PCED1B: variants seen among roughly 807,000 people sequenced by gnomAD.
The protein encoded by PCED1B is PC-esterase domain-containing protein 1B.
For missense variants in PCED1B, 573 were observed against 573.9 expected, an observed-to-expected ratio of 1.00 and a Z score of 0.02; for synonymous variants, 251 against 246.1, an observed-to-expected ratio of 1.02 and a Z score of -0.19.
At chr12:47,221,445 T>A (rs994782052) in intron 3 of PCED1B, among the ~76,000 whole-genome samples, 7 of 151,502 alleles carry the variant, frequency 4.6e-5, no homozygotes, top group African/African-American at 1.7e-4. Flanking sequence ...CCCAGAGTGC[T>A]GGGATTACAG....
Position 47,235,507 on chromosome 12 carries a change from G to A in PCED1B, c.444G>A (p.Gln148=). 1 of 1,612,980 alleles carries A rather than the reference G, an allele frequency of 6.2e-7. No individual in the cohort carries two copies. The change falls in exon 4 of 4, where the codon CAG becomes CAA. Residue 148 remains glutamine, a synonymous_variant. Coordinates refer to ENST00000546455, the MANE Select transcript of PCED1B (RefSeq NM_138371.3). The part of the protein sequence containing the change: ...SYLENLENLF[Q]CLGQVLPESC... ...TGGAGAACCTGGAGAACCTGTTCCAGTGCCTGGGCCAGGTGCTGCCCGAGT... is the reference window on the plus strand; with the variant it reads ...TGGAGAACCTGGAGAACCTGTTCCAATGCCTGGGCCAGGTGCTGCCCGAGT...
intron 2 of PCED1B, among the ~76,000 whole-genome samples, chr12:47,215,473 C>T (rs1565606294): frequency 6.6e-6 from 1 of 151,858 alleles, no homozygotes; most frequent in Admixed American, 6.6e-5. Flanking sequence ...AGGCTGGTCT[C>T]GAACTCCTGA....
At chr12:47,091,781 A>T in intron 1 of PCED1B, among the ~76,000 whole-genome samples, 1 of 152,108 alleles carries the variant, frequency 6.6e-6, no homozygotes, top group Non-Finnish European at 1.5e-5. Context: ...ACACAGCACA[A>T]TTTATCTGAA....
intron 2 of PCED1B, among the ~76,000 whole-genome samples, chr12:47,158,842 C>T (rs1184538650): frequency 6.6e-6 from 1 of 152,168 alleles, no homozygotes; most frequent in African/African-American, 2.4e-5. Context: ...TAACCCTACT[C>T]TGCTATTGAA....
At chr12:47,095,204 T>C (rs968333640) in intron 1 of PCED1B, among the ~76,000 whole-genome samples, 1 of 152,084 alleles carries the variant, frequency 6.6e-6, no homozygotes, top group African/African-American at 2.4e-5. Flanking sequence ...ATTTGAAGGA[T>C]ATGATTGCAA....
chr12:47,103,228 G>A (rs1262334761), intron 1 of PCED1B, among the ~76,000 whole-genome samples: 8 of 152,300 alleles, frequency 5.3e-5, no homozygotes. Context: ...TTGAGCAGAT[G>A]CATATTTATA....
At chr12:47,109,729 G>A (rs893052748) in intron 2 of PCED1B, among the ~76,000 whole-genome samples, 2 of 152,016 alleles carry the variant, frequency 1.3e-5, no homozygotes, top group Non-Finnish European at 2.9e-5. Context: ...GAGAGAAGGG[G>A]GTGCAATAGA....
intron 2 of PCED1B, among the ~76,000 whole-genome samples, chr12:47,177,124 T>G (rs1263461946): frequency 2.6e-5 from 4 of 152,122 alleles, no homozygotes; most frequent in Non-Finnish European, 5.9e-5. Context: ...GCTTAGGCTG[T>G]GTTCATCCTG....
chr12:47,150,773 G>A (rs1173828233), intron 2 of PCED1B, among the ~76,000 whole-genome samples: 1 of 151,942 alleles, frequency 6.6e-6, no homozygotes, highest in African/African-American at 2.4e-5. Flanking sequence ...AGGCCAGTGT[G>A]AACTGACTGG....
chr12:47,160,293 CTTTTTTTTTT>C (rs59856338), intron 2 of PCED1B, among the ~76,000 whole-genome samples: 1 of 69,228 alleles, frequency 1.4e-5, no homozygotes, highest in Non-Finnish European at 2.5e-5. Flanking sequence ...TTTTCTTTTT[CTTTTTTTTTT>C]TTTTTTTTTT....
At chr12:47,133,668 C>T (rs1266979220) in intron 2 of PCED1B, among the ~76,000 whole-genome samples, 1 of 152,130 alleles carries the variant, frequency 6.6e-6, no homozygotes, top group Admixed American at 6.5e-5. Flanking sequence ...AAATTATACC[C>T]AGATATATTA....
intron 1 of PCED1B, among the ~76,000 whole-genome samples, chr12:47,094,093 A>G (rs761429727): frequency 4.4e-4 from 67 of 151,858 alleles, no homozygotes; most frequent in Non-Finnish European, 2.1e-4. Flanking sequence ...ATTTTTGTTT[A>G]GTTTATTTTG....
chr12:47,198,152 A>G (rs1447424247), intron 2 of PCED1B, among the ~76,000 whole-genome samples: 1 of 152,244 alleles, frequency 6.6e-6, no homozygotes, highest in African/African-American at 2.4e-5. Context: ...TCAACAAAAT[A>G]TTAACAAATG....
At chr12:47,225,169 T>C (rs1268074762) in intron 3 of PCED1B, among the ~76,000 whole-genome samples, 1 of 152,192 alleles carries the variant, frequency 6.6e-6, no homozygotes, top group Non-Finnish European at 1.5e-5. Flanking sequence ...TGATCTCAAG[T>C]GATCCACCCG....
At chr12:47,232,465 A>G (rs768039781) in intron 3 of PCED1B, among the ~76,000 whole-genome samples, 3 of 152,236 alleles carry the variant, frequency 2.0e-5, no homozygotes, top group Non-Finnish European at 4.4e-5. Flanking sequence ...TAAAACTTGA[A>G]TGTGTAATTT....
intron 3 of PCED1B, among the ~76,000 whole-genome samples, chr12:47,230,669 T>C (rs974999328): frequency 8.6e-5 from 13 of 151,912 alleles, no homozygotes; most frequent in African/African-American, 3.1e-4. Context: ...CTTGAACTCC[T>C]GATCTCAAGT....
intron 2 of PCED1B, among the ~76,000 whole-genome samples, chr12:47,156,755 CAT>C (rs1941206241): frequency 1.3e-5 from 2 of 152,152 alleles, no homozygotes; most frequent in South Asian, 2.1e-4. Flanking sequence ...TATCTTAGCA[CAT>C]GTTACCTTGA....
chr12:47,218,836 A>C (rs1297039109), intron 3 of PCED1B, among the ~76,000 whole-genome samples: 1 of 151,790 alleles, frequency 6.6e-6, no homozygotes, highest in African/African-American at 2.4e-5. Flanking sequence ...AATTCAAAAA[A>C]TGTTTTCCAT....
chr12:47,131,032 T>A (rs1223292025), intron 2 of PCED1B, among the ~76,000 whole-genome samples: 3 of 152,210 alleles, frequency 2.0e-5, no homozygotes, highest in Non-Finnish European at 4.4e-5. Flanking sequence ...GTATGTTCAG[T>A]CATCCGCCAA....
Sources: allele counts gnomAD v4.1 joint callset (sites outside exome capture counted in the v4.1 genomes callset), GRCh38; gene constraint gnomAD v4.1.1; transcripts MANE v1.5; gene names NCBI Gene and HGNC (gene_info 2026-07-23, HGNC 2026-07-21).